C8orf34: variants seen among roughly 807,000 people sequenced by gnomAD.
The protein encoded by C8orf34 is chromosome 8 open reading frame 34.
In C8orf34, 65 loss-of-function variants were observed where a neutral mutation model predicts 68.3. The observed-to-expected ratio is 0.95, with a 90% CI of 0.78 to 1.17. The LOEUF (loss-of-function observed/expected upper bound fraction) is 1.17, where lower values mean the gene tolerates loss of function less well. Among genes scored for constraint, C8orf34 ranks in the 50% most tolerant of loss-of-function variants. The probability of loss-of-function intolerance (pLI) is 0.00; values close to 1 mark genes in which losing one functional copy is unlikely to be tolerated. For missense variants in C8orf34, 664 were observed against 655.4 expected (o/e 1.01, Z -0.14); for synonymous variants, 244 against 241.2 (o/e 1.01, Z -0.11).
At chr8:68,601,950 AC>A (rs1178789469) in intron 7 of C8orf34, among the ~76,000 whole-genome samples, 1 of 152,064 alleles carries the variant, frequency 6.6e-6, no homozygotes, top group East Asian at 1.9e-4. Flanking sequence ...CTTGATGAAA[AC>A]TAGAGCACTC....
intron 8 of C8orf34, among the ~76,000 whole-genome samples, chr8:68,649,677 C>T (rs1819285099): frequency 6.6e-6 from 1 of 152,182 alleles, no homozygotes; most frequent in South Asian, 2.1e-4. Flanking sequence ...CTCACTCCTT[C>T]TGGTAGCTGT....
chr8:68,429,165 C>A (rs1810348106), intron 1 of C8orf34, among the ~76,000 whole-genome samples: 2 of 152,022 alleles, frequency 1.3e-5, no homozygotes, highest in Non-Finnish European at 2.9e-5. Flanking sequence ...CCATACAGAT[C>A]TTATATCCAA....
intron 11 of C8orf34, among the ~76,000 whole-genome samples, chr8:68,783,846 A>G (rs1218415219): frequency 6.6e-6 from 1 of 152,136 alleles, no homozygotes; most frequent in African/African-American, 2.4e-5. Context: ...TTCTAAATTA[A>G]CCGAAACCAT....
At chr8:68,749,214 A>G (rs959353525) in intron 10 of C8orf34, among the ~76,000 whole-genome samples, 1 of 151,678 alleles carries the variant, frequency 6.6e-6, no homozygotes, top group African/African-American at 2.4e-5. Flanking sequence ...AGGAAGGGGA[A>G]CATCACACTC....
intron 7 of C8orf34, among the ~76,000 whole-genome samples, chr8:68,612,746 T>C (rs1435268922): frequency 2.6e-5 from 4 of 152,174 alleles, no homozygotes; most frequent in Admixed American, 1.3e-4. Context: ...TCAATTATTA[T>C]GTTAGTCCTT....
chr8:68,778,383 C>T (rs927933795), intron 11 of C8orf34, among the ~76,000 whole-genome samples: 8 of 152,088 alleles, frequency 5.3e-5, no homozygotes, highest in South Asian at 2.1e-4. Context: ...ATATATTTAA[C>T]ATTTCTTACT....
intron 10 of C8orf34, among the ~76,000 whole-genome samples, chr8:68,761,952 T>C (rs1351183721): frequency 6.6e-6 from 1 of 152,228 alleles, no homozygotes; most frequent in African/African-American, 2.4e-5. Context: ...TAGTTTCAGC[T>C]TCTTGATAAC....
chr8:68,553,372 G>A (rs893533529), intron 7 of C8orf34, among the ~76,000 whole-genome samples: 18 of 117,722 alleles, frequency 1.5e-4, no homozygotes, highest in African/African-American at 4.9e-4. Context: ...GCGACAGAGC[G>A]AGACTCCATC....
intron 10 of C8orf34, among the ~76,000 whole-genome samples, chr8:68,749,231 C>T (rs1024201341): frequency 6.7e-6 from 1 of 149,064 alleles, no homozygotes; most frequent in Non-Finnish European, 1.5e-5. Context: ...ACTCTGGGGA[C>T]TGTTGTGGGG....
intron 1 of C8orf34, among the ~76,000 whole-genome samples, chr8:68,389,588 G>A (rs1271951967): frequency 1.3e-5 from 2 of 151,992 alleles, no homozygotes; most frequent in African/African-American, 2.4e-5. Flanking sequence ...TAAGAGGCAG[G>A]GATTTAATTT....
intron 7 of C8orf34, among the ~76,000 whole-genome samples, chr8:68,619,904 G>A (rs1818338557): frequency 6.6e-6 from 1 of 152,124 alleles, no homozygotes; most frequent in African/African-American, 2.4e-5. Flanking sequence ...GACAAAATTA[G>A]GTCACAGATA....
chr8:68,546,648 A>G (rs1815893191), intron 7 of C8orf34, among the ~76,000 whole-genome samples: 1 of 151,872 alleles, frequency 6.6e-6, no homozygotes, highest in Non-Finnish European at 1.5e-5. Flanking sequence ...ATTGAAATTT[A>G]TAGTACAATA....
At chr8:68,432,466 A>C (rs1436460996) in intron 1 of C8orf34, among the ~76,000 whole-genome samples, 1 of 151,942 alleles carries the variant, frequency 6.6e-6, no homozygotes, top group African/African-American at 2.4e-5. Context: ...GCACACCACC[A>C]TGGCCAGCTA....
At chr8:68,589,801 C>A (rs1817326896) in intron 7 of C8orf34, among the ~76,000 whole-genome samples, 2 of 121,012 alleles carry the variant, frequency 1.7e-5, no homozygotes, top group African/African-American at 3.4e-5. Flanking sequence ...AGAAGGGAAT[C>A]AGGAAGGAGG....
At chr8:68,502,980 G>A (rs886973275) in intron 5 of C8orf34, among the ~76,000 whole-genome samples, 6 of 152,206 alleles carry the variant, frequency 3.9e-5, no homozygotes, top group Non-Finnish European at 8.8e-5. Context: ...ACAAGAATGT[G>A]AAGGGGAAAA....
chr8:68,452,127 T>C (rs1390336978), intron 3 of C8orf34, among the ~76,000 whole-genome samples: 1 of 151,922 alleles, frequency 6.6e-6, no homozygotes, highest in African/African-American at 2.4e-5. Flanking sequence ...TGCTGATGGG[T>C]ATTTTGTTTG....
At chr8:68,331,805 TTTTTTTTA>T (rs1805618024) in intron 1 of C8orf34, among the ~76,000 whole-genome samples, 1 of 98,090 alleles carries the variant, frequency 1.0e-5, no homozygotes, top group East Asian at 2.7e-4. Context: ...TTTTTTTTTT[TTTTTTTTA>T]ATGAGGGCGG....
intron 8 of C8orf34, among the ~76,000 whole-genome samples, chr8:68,671,837 G>A (rs573164827): frequency 5.3e-5 from 8 of 151,906 alleles, no homozygotes; most frequent in East Asian, 3.9e-4. Context: ...TTCCTTTAAC[G>A]AAAAGGGTTT....
chr8:68,640,313 A>C, intron 7 of C8orf34, 63 bp from the exon 8 acceptor site: 2 of 1,513,580 alleles, frequency 1.3e-6, no homozygotes, highest in South Asian at 2.4e-5. Context: ...TGAAAATATG[A>C]ATTTTTCTCC....
Sources: gnomAD v4.1 joint callset for allele counts (sites outside exome capture counted in the v4.1 genomes callset) on GRCh38, gnomAD v4.1.1 for gene constraint, MANE v1.5 for transcripts, NCBI Gene and HGNC (gene_info 2026-07-23, HGNC 2026-07-21) for gene names.